CENPU: variants seen among roughly 807,000 people sequenced by gnomAD.
The protein encoded by CENPU is centromere protein U.
Under a neutral mutation model 56.7 loss-of-function variants are expected in CENPU, and 46 were observed. That is an observed-to-expected ratio of 0.81 (90% CI 0.64 to 1.04). CENPU has a LOEUF of 1.04. Among genes scored for constraint, CENPU ranks in the 50% least tolerant of loss-of-function variants. The pLI is 0.00. For synonymous variants in CENPU, 166 were observed against 163.0 expected, an observed-to-expected ratio of 1.02 and a Z score of -0.14; for missense variants, 510 against 490.1, an observed-to-expected ratio of 1.04 and a Z score of -0.38.
At position 184,697,648 on chromosome 4, in the gene CENPU, G is replaced by A. The variant is rs745467346; in HGVS notation, c.1142C>T (p.Thr381Met). Residue 381 changes from threonine to methionine, a missense_variant and splice_region_variant, in exon 12 of 13, where the codon ACG becomes ATG. Physicochemically the swap from Thr to Met is moderately conservative, Grantham distance 81 (BLOSUM62 -1). Coordinates refer to ENST00000281453, the MANE Select transcript of CENPU (RefSeq NM_024629.4). ...VQAQEPNVKE[T>M]YDSSSLPALL... ...GGTAAAAAGTAAAATTGGAGTTACC[G>A]TTTCCTTTACGTTTGGTTCTTGAGC... 1.7e-5 allele frequency: 28 copies of A among 1,612,180 alleles called. No individual in the cohort carries two copies. The highest frequency in any genetic ancestry group is 3.3e-4 in the Middle Eastern group (2 of 6,046).
rs1182223033 is a variant in CENPU at position 184,695,128 on chromosome 4, A to G, written c.*160T>C. On this transcript the variant is annotated 3_prime_UTR_variant, in exon 13 of 13. Coordinates refer to ENST00000281453, the MANE Select transcript of CENPU (RefSeq NM_024629.4). The stretch of plus-strand genomic sequence containing the variant: ...TAAAACTATTGGACAAACTGATGCT[A>G]TTTAACATTGTTCACAGCCATTTAA... The G allele has an allele frequency of 5.1e-6, 3 of 589,364 alleles. No individual in the cohort carries two copies. Among genetic ancestry groups the G allele is most frequent in the Non-Finnish European group, 9.1e-6 (3 of 330,670 alleles). 36.5% of individuals were successfully genotyped at this position (589,364 alleles called of 1,614,324 possible).
At position 184,695,034 on chromosome 4, in the gene CENPU, G is replaced by T; in HGVS notation, c.*254C>A. The T allele has an allele frequency of 1.9e-6, 1 of 534,138 alleles. No individual in the cohort carries two copies. Among genetic ancestry groups the T allele is most frequent in the Non-Finnish European group, 3.3e-6 (1 of 301,038 alleles). The allele number at this position is 534,138 out of a possible 1,614,324, so 33.1% of individuals were successfully genotyped here. On this transcript the variant is annotated 3_prime_UTR_variant, in exon 13 of 13. Transcript: ENST00000281453. ...TACAAGTTTATTATAGCTCATACCT[G>T]GGACCGATTAAGGTGTCAACATTTT... is the stretch of plus-strand genomic sequence containing the variant.
Position 184,729,031 on chromosome 4 carries a change from GC to G in CENPU, c.100del (p.Ala34LeufsTer88). The G allele has an allele frequency of 6.2e-7, 1 of 1,611,792 alleles. No homozygotes were observed. The highest frequency in any genetic ancestry group is 2.2e-5 in the East Asian group (1 of 44,860). ...LERTHSMKDK[A>X]GQKCKPIDVF... Reference sequence around the variant, plus strand: ...GTCAATAGGCTTGCACTTTTGACCAGCTTTCTAAAAGTGAATAAAGTTGAGT... The same window carrying G: ...GTCAATAGGCTTGCACTTTTGACCAGTTTCTAAAAGTGAATAAAGTTGAGT... On this transcript the variant is annotated frameshift_variant, in exon 3 of 13. Transcript: ENST00000281453. LOFTEE classifies it high-confidence loss of function.
At chr4:184,700,675 C>T in intron 11 of CENPU, 145 bp downstream of exon 11, 1 of 735,734 alleles carries the variant, frequency 1.4e-6, no homozygotes, top group Non-Finnish European at 2.4e-6. Context: ...AACTAAGCAG[C>T]ATACCCTGCC....
At chr4:184,728,544 C>A (rs1283679975) in intron 3 of CENPU, among the ~76,000 whole-genome samples, 1 of 152,156 alleles carries the variant, frequency 6.6e-6, no homozygotes, top group Non-Finnish European at 1.5e-5. Context: ...CATCCCCTGC[C>A]TCCATGAGTT....
intron 8 of CENPU, among the ~76,000 whole-genome samples, chr4:184,702,835 G>A (rs67409049): frequency 0.18 from 27,110 of 152,068 alleles, 2,724 homozygotes; most frequent in African/African-American, 0.26. Context: ...TTGGCTTTCT[G>A]TTCCTGCAAT....
Position 184,734,034 on chromosome 4 carries a change from C to CGGG in CENPU, c.28_29insCCC (p.Pro9dup), listed in dbSNP as rs1174739826. The CGGG allele has an allele frequency of 1.3e-6, 2 of 1,583,610 alleles. No individual in the cohort carries two copies. The highest frequency in any genetic ancestry group is 2.4e-5 in the East Asian group (1 of 42,398). On this transcript the variant is annotated inframe_insertion, in exon 1 of 13. Transcript: ENST00000281453. ...TACTTACCCCTCAGACCTGTGAGGC[C>CGGG]GCGGCCGCCGCCGCCCCCGCGGGGC...
At chr4:184,698,887 C>CTT (rs5864895) in intron 11 of CENPU, among the ~76,000 whole-genome samples, 2 of 151,964 alleles carry the variant, frequency 1.3e-5, no homozygotes, top group African/African-American at 4.8e-5. Flanking sequence ...AGGGCTGCAC[C>CTT]GTAGGCAAGT....
chr4:184,729,660 C>T (rs1214778573), intron 2 of CENPU, among the ~76,000 whole-genome samples: 1 of 152,174 alleles, frequency 6.6e-6, no homozygotes, highest in African/African-American at 2.4e-5. Flanking sequence ...AAACCTCTGA[C>T]CTAGGGAAAG....
At chr4:184,711,306 T>C (rs1760916896) in intron 7 of CENPU, among the ~76,000 whole-genome samples, 1 of 152,212 alleles carries the variant, frequency 6.6e-6, no homozygotes, top group African/African-American at 2.4e-5. Context: ...ACATAGTAAT[T>C]GTACATATTT....
chr4:184,721,871 C>T (rs920092003), intron 4 of CENPU, among the ~76,000 whole-genome samples: 2 of 152,176 alleles, frequency 1.3e-5, no homozygotes. Context: ...AAACAGCAGA[C>T]TTAATCTGCA....
chr4:184,710,008 G>T lies in CENPU; in HGVS notation c.797+64C>A, dbSNP rs956876618. 1.5e-5 allele frequency: 12 copies of T among 778,656 alleles called. No individual in the cohort carries two copies. In the African/African-American group the frequency reaches 1.9e-4, roughly 12 times the overall value. 48.2% of individuals were successfully genotyped at this position (778,656 alleles called of 1,614,324 possible). A position where few individuals can be genotyped will look rare whatever the true frequency, so the allele number is the denominator to read the frequency against. ...TAGTACATAACAAAAACTGTAGGAT[G>T]AGCAAAAATGGTGCTTCAGGGGAAA... On this transcript the variant is annotated intron_variant, in intron 8 of 12. Transcript: ENST00000281453.
chr4:184,719,236 C>T (rs1761193322), intron 4 of CENPU, among the ~76,000 whole-genome samples: 2 of 152,318 alleles, frequency 1.3e-5, no homozygotes, highest in South Asian at 4.1e-4. Context: ...CTTCCCACTG[C>T]TGAAAGAGGC....
chr4:184,712,571 A>G (rs1760960927), intron 7 of CENPU, among the ~76,000 whole-genome samples: 2 of 152,208 alleles, frequency 1.3e-5, no homozygotes, highest in African/African-American at 4.8e-5. Context: ...CCAGTTAATC[A>G]TGTGCATACT....
At chr4:184,729,324 C>T (rs1761559953) in intron 2 of CENPU, among the ~76,000 whole-genome samples, 1 of 152,204 alleles carries the variant, frequency 6.6e-6, no homozygotes, top group African/African-American at 2.4e-5. Context: ...TAACCTAAGG[C>T]ATGGATTGGC....
intron 2 of CENPU, among the ~76,000 whole-genome samples, chr4:184,729,442 A>G (rs1365254756): frequency 1.3e-5 from 2 of 152,258 alleles, no homozygotes; most frequent in Non-Finnish European, 2.9e-5. Context: ...TGCAGACAGT[A>G]ACCACACAGA....
chr4:184,696,339 A>AT (rs922991250), intron 12 of CENPU, among the ~76,000 whole-genome samples: 1 of 152,234 alleles, frequency 6.6e-6, no homozygotes, highest in African/African-American at 2.4e-5. Context: ...GGGACAGTTA[A>AT]TACAAGAGGA....
In CENPU at chr4:184,695,112, T is replaced by G. The variant is rs1158559478; in HGVS notation, c.*176A>C. ...AGATGATTATGGCCTTTAAAACTATTGGACAAACTGATGCTATTTAACATT... is the reference window on the plus strand; with the variant it reads ...AGATGATTATGGCCTTTAAAACTATGGGACAAACTGATGCTATTTAACATT... On this transcript the variant is annotated 3_prime_UTR_variant, in exon 13 of 13. Transcript: ENST00000281453. 1 of 566,828 alleles carries G rather than the reference T, an allele frequency of 1.8e-6. No individual in the cohort carries two copies. The highest frequency in any genetic ancestry group is 3.1e-6 in the Non-Finnish European group (1 of 318,632). The allele number at this position is 566,828 out of a possible 1,614,324, so 35.1% of individuals were successfully genotyped here.
At chr4:184,733,170 TA>T (rs1207988530) in intron 1 of CENPU, 5 of 197,508 alleles carry the variant, frequency 2.5e-5, no homozygotes, top group Non-Finnish European at 3.7e-5. Flanking sequence ...CATTCTCTTC[TA>T]ATCCTTTTTT....
Sources: allele counts gnomAD v4.1 joint callset (sites outside exome capture counted in the v4.1 genomes callset), GRCh38; gene constraint gnomAD v4.1.1; transcripts MANE v1.5; gene names NCBI Gene and HGNC (gene_info 2026-07-23, HGNC 2026-07-21).